Variants in ZFAND6 observed in about 807,000 individuals in gnomAD.
ZFAND6 encodes zinc finger AN1-type containing 6, also known as AN1-type zinc finger protein 6.
In ZFAND6, 12 loss-of-function variants were observed where a neutral mutation model predicts 24.5. The ratio of observed to expected loss-of-function variants is 0.49; its 90% CI spans 0.31 to 0.79. The LOEUF (loss-of-function observed/expected upper bound fraction) is 0.79. ZFAND6 is among the 30% of genes least tolerant of loss of function. The pLI, the probability that ZFAND6 is intolerant of heterozygous loss-of-function variation, is 0.04. For synonymous variants in ZFAND6, 92 were observed against 81.5 expected (o/e 1.13, Z -0.69); for missense variants, 207 against 245.9 (o/e 0.84, Z 1.06).
chr15:80,131,133 A>G lies in ZFAND6; in HGVS notation c.365-47A>G, dbSNP rs1351327645. The G allele has an allele frequency of 2.7e-6, 4 of 1,470,642 alleles. No individual in the cohort carries two copies. In the East Asian group the frequency reaches 6.9e-5, roughly 25 times the overall value. 91.1% of individuals were successfully genotyped at this position (1,470,642 alleles called of 1,614,324 possible). On this transcript the variant is annotated intron_variant, in intron 5 of 6. Transcript: ENST00000261749. ...AGGGAGGGTGGGATGAGGAATAGCA[A>G]AATCTTACAGAATAATTAAATTTTG... is the stretch of plus-strand genomic sequence containing the variant.
intron 1 of ZFAND6, among the ~76,000 whole-genome samples, chr15:80,095,561 T>C (rs1415004942): frequency 6.6e-6 from 1 of 152,232 alleles, no homozygotes; most frequent in Non-Finnish European, 1.5e-5. Context: ...AATCAAATTA[T>C]TACTAGATGG....
intron 2 of ZFAND6, among the ~76,000 whole-genome samples, chr15:80,116,700 A>G (rs1297126049): frequency 6.6e-6 from 1 of 152,192 alleles, no homozygotes; most frequent in Non-Finnish European, 1.5e-5. Flanking sequence ...TGAAATTGAA[A>G]CCATACAAGA....
chr15:80,115,934 T>C (rs894201875), intron 2 of ZFAND6, among the ~76,000 whole-genome samples: 11 of 152,204 alleles, frequency 7.2e-5, no homozygotes, highest in African/African-American at 2.7e-4. Context: ...TACTGTTTGG[T>C]TGCTAGCCAT....
intron 2 of ZFAND6, among the ~76,000 whole-genome samples, chr15:80,099,283 TTC>T (rs1022780659): frequency 3.9e-5 from 6 of 151,972 alleles, no homozygotes; most frequent in Non-Finnish European, 8.8e-5. Flanking sequence ...CCCCGACTTT[TTC>T]TTTATGGATT....
intron 2 of ZFAND6, among the ~76,000 whole-genome samples, chr15:80,101,693 G>C (rs771311544): frequency 2.0e-5 from 3 of 151,442 alleles, no homozygotes; most frequent in Non-Finnish European, 4.4e-5. Context: ...TCTTGTATCA[G>C]ATATAACTCC....
intron 1 of ZFAND6, among the ~76,000 whole-genome samples, chr15:80,093,868 G>T (rs796987574): frequency 5.9e-5 from 9 of 152,260 alleles, no homozygotes; most frequent in African/African-American, 2.2e-4. Context: ...TGTAGTTTCG[G>T]GAAGGGTGCA....
intron 2 of ZFAND6, among the ~76,000 whole-genome samples, chr15:80,104,281 G>A (rs2039196581): frequency 6.6e-6 from 1 of 152,206 alleles, no homozygotes; most frequent in Non-Finnish European, 1.5e-5. Context: ...CAGCACTTTG[G>A]GAGGCTGAGG....
chr15:80,130,012 G>A (rs2040526077), intron 5 of ZFAND6: 2 of 152,252 alleles, frequency 1.3e-5, no homozygotes, highest in Admixed American at 6.6e-5. Context: ...GAGAAAGAAG[G>A]ATGAAGAAAA....
Position 80,089,259 on chromosome 15 carries a change from G to GTTTTTTTTTT in ZFAND6, c.-180-9141_-180-9132dup, listed in dbSNP as rs71453501. Among the ~76,000 whole-genome samples, 11 of 61,106 alleles carry GTTTTTTTTTT rather than the reference G, an allele frequency of 1.8e-4. 2 individuals carry two copies. The highest frequency in any genetic ancestry group is 1.7e-3 in the South Asian group (2 of 1,212). 40.1% of individuals were successfully genotyped at this position (61,106 alleles called of 152,430 possible). On this transcript the variant is annotated intron_variant, in intron 1 of 6. Coordinates refer to ENST00000261749, the MANE Select transcript of ZFAND6 (RefSeq NM_019006.4). ...TCTGTCTTCGTGTGTGAGTGTGTGT[G>GTTTTTTTTTT]TTTTTTTTTTTTTTTTTTTTTTTTT...
intron 5 of ZFAND6, among the ~76,000 whole-genome samples, chr15:80,123,294 T>C (rs941013338): frequency 7.2e-5 from 11 of 152,240 alleles, no homozygotes; most frequent in South Asian, 2.1e-4. Context: ...TTGCCCATGC[T>C]CTTCATATCC....
At chr15:80,062,093 CG>C (rs2036365740) in intron 1 of ZFAND6, among the ~76,000 whole-genome samples, 1 of 152,112 alleles carries the variant, frequency 6.6e-6, no homozygotes, top group African/African-American at 2.4e-5. Context: ...GTAGAAAAAA[CG>C]CTGGATTGTA....
intron 1 of ZFAND6, among the ~76,000 whole-genome samples, chr15:80,078,720 CTG>C (rs1470868755): frequency 1.3e-5 from 2 of 152,126 alleles, no homozygotes; most frequent in Non-Finnish European, 2.9e-5. Flanking sequence ...TCACCAACAT[CTG>C]TCATTTTTTT....
At chr15:80,113,264 A>G (rs534274179) in intron 2 of ZFAND6, among the ~76,000 whole-genome samples, 10 of 152,350 alleles carry the variant, frequency 6.6e-5, no homozygotes, top group Admixed American at 2.0e-4. Context: ...TTTTAATTTG[A>G]GGAACATGAG....
chr15:80,091,151 TTGTTAAGGGGTGTGTG>T (rs1019205851), intron 1 of ZFAND6, among the ~76,000 whole-genome samples: 44 of 108,738 alleles, frequency 4.0e-4, no homozygotes, highest in African/African-American at 1.2e-3. Flanking sequence ...TTCTATTTAG[TTGTTAAGGGGTGTGTG>T]TGTGTGTGTG....
intron 1 of ZFAND6, among the ~76,000 whole-genome samples, chr15:80,077,143 A>G (rs563493649): frequency 1.1e-4 from 17 of 152,360 alleles, no homozygotes; most frequent in African/African-American, 3.8e-4. Context: ...ACTTTAAGCT[A>G]TTTGAAATGC....
intron 2 of ZFAND6, among the ~76,000 whole-genome samples, chr15:80,113,649 A>G (rs975378063): frequency 5.9e-5 from 9 of 152,198 alleles, no homozygotes; most frequent in Non-Finnish European, 1.2e-4. Flanking sequence ...TCAACAGAAT[A>G]TAGCCGTTTT....
At chr15:80,091,007 C>T (rs568540125) in intron 1 of ZFAND6, among the ~76,000 whole-genome samples, 10 of 152,290 alleles carry the variant, frequency 6.6e-5, no homozygotes, top group African/African-American at 2.4e-4. Flanking sequence ...AATATTCTAT[C>T]TTGTTGAATC....
intron 2 of ZFAND6, among the ~76,000 whole-genome samples, chr15:80,099,126 T>G (rs1481059202): frequency 6.6e-6 from 1 of 152,090 alleles, no homozygotes; most frequent in Non-Finnish European, 1.5e-5. Flanking sequence ...GTTTTTTAAA[T>G]TCGCCAATTT....
chr15:80,137,522 G>A lies in ZFAND6; in HGVS notation c.521G>A (p.Arg174His), dbSNP rs945177168. The A allele has an allele frequency of 1.1e-5, 17 of 1,606,620 alleles. No homozygotes were observed. The highest frequency in any genetic ancestry group is 1.4e-5 in the Non-Finnish European group (17 of 1,177,980). ...RCGNVYCGVH[R>H]YSDVHNCSYN... ...GGAAATGTTTACTGTGGTGTACACC[G>A]TTACTCAGATGTACACAATTGCTCT... Residue 174 changes from arginine (R) to histidine (H), a missense_variant, in exon 7 of 7, where the codon CGT becomes CAT. Arg to His is a conservative substitution (Grantham distance 29). Transcript: ENST00000261749.
Sources: allele counts gnomAD v4.1 joint callset (sites outside exome capture counted in the v4.1 genomes callset), GRCh38; gene constraint gnomAD v4.1.1; transcripts MANE v1.5; gene names NCBI Gene and HGNC (gene_info 2026-07-23, HGNC 2026-07-21).